EME2: variants seen among roughly 807,000 people sequenced by gnomAD.
EME2 encodes the protein essential meiotic structure-specific endonuclease subunit 2.
Under a neutral mutation model 41.9 loss-of-function variants are expected in EME2, and 58 were observed. That is an observed-to-expected ratio of 1.38 (90% CI 1.12 to 1.72). The LOEUF is 1.72. EME2 is among the 40% of genes most tolerant of loss of function. The probability of loss-of-function intolerance (pLI) is 0.00; values close to 1 mark genes in which losing one functional copy is unlikely to be tolerated. For synonymous variants in EME2, 334 were observed against 239.3 expected, an observed-to-expected ratio of 1.40 and a Z score of -3.65; for missense variants, 695 against 541.9, an observed-to-expected ratio of 1.28 and a Z score of -2.81.
chr16:1,777,110 C>T lies in EME2; in HGVS notation c.*872C>T, dbSNP rs749980964. The T allele has an allele frequency of 1.2e-6, 2 of 1,611,138 alleles. No homozygotes were observed. Among genetic ancestry groups the T allele is most frequent in the South Asian group, 2.2e-5 (2 of 90,984 alleles). On this transcript the variant is annotated 3_prime_UTR_variant, in exon 8 of 8. Transcript: ENST00000568449. ...CTGGGAAGTCAGTCAGGTCCGGCGGCAGCGCTTCCTCTGGCAGGGCCGAGG... is the reference window on the plus strand; with the variant it reads ...CTGGGAAGTCAGTCAGGTCCGGCGGTAGCGCTTCCTCTGGCAGGGCCGAGG...
chr16:1,773,720 C>T lies in EME2; in HGVS notation c.263C>T (p.Ala88Val), dbSNP rs776920899. 2 of 1,548,954 alleles carry T rather than the reference C, an allele frequency of 1.3e-6. No individual in the cohort carries two copies. The highest frequency in any genetic ancestry group is 1.7e-6 in the Non-Finnish European group (2 of 1,147,232). ...VCVDTAILED[A>V]GADVLMEALE... is the part of the protein sequence containing the mutation. ...CCGGTCCCAGCCATCCTGGAAGACG[C>T]CGGTGCCGACGTCCTGATGGAGGCC... Residue 88 changes from alanine to valine, a missense_variant, in exon 2 of 8, where the codon GCC becomes GTC. Transcript: ENST00000568449.
Position 1,778,191 on chromosome 16 carries a change from C to A in EME2, c.*1953C>A. ...TGATCTCCCAGAAGTGCTGGCCCTC[C>A]CCCAGCTCCTTGGTGCCCCGGATGG... On this transcript the variant is annotated 3_prime_UTR_variant, in exon 8 of 8. Transcript: ENST00000568449. The A allele has an allele frequency of 6.2e-7, 1 of 1,612,990 alleles. No homozygotes were observed.
At position 1,777,804 on chromosome 16, in the gene EME2, C is replaced by T. The variant is rs746457122; in HGVS notation, c.*1566C>T. 21 of 1,612,798 alleles carry T rather than the reference C, an allele frequency of 1.3e-5. No homozygotes were observed. Among genetic ancestry groups the T allele is most frequent in the African/African-American group, 5.3e-5 (4 of 74,910 alleles). ...GTGCCGTGCCAGGTGTCCAGGTGCA[C>T]GCCAATGATGGAGCCCTGGCCGAAC... On this transcript the variant is annotated 3_prime_UTR_variant, in exon 8 of 8. Coordinates refer to ENST00000568449, the MANE Select transcript of EME2 (RefSeq NM_001257370.2).
At chr16:1,774,393 G>T (rs376625018) in intron 3 of EME2, 41 bp downstream of exon 3, 54 of 1,562,308 alleles carry the variant, frequency 3.5e-5, no homozygotes, top group Non-Finnish European at 4.6e-5. Flanking sequence ...AATCAGGAGG[G>T]GTGGGTTCCC....
rs749796600 is a variant in EME2 at position 1,774,249 on chromosome 16, T to TGTCCCCAC, written c.385-10_385-3dup. The TGTCCCCAC allele has an allele frequency of 1.2e-6, 2 of 1,610,958 alleles. No individual in the cohort carries two copies. The highest frequency in any genetic ancestry group is 2.2e-5 in the South Asian group (2 of 91,068). ...TGAGACAGGCAGCAGCGCGTCCCCA[T>TGTCCCCAC]GTCCCCACAGCTGCCTCCTGAAGTG... On this transcript the variant is annotated splice_polypyrimidine_tract_variant and intron_variant, in intron 2 of 7. Coordinates refer to ENST00000568449, the MANE Select transcript of EME2 (RefSeq NM_001257370.2).
chr16:1,778,450 C>T lies in EME2; in HGVS notation c.*2212C>T, dbSNP rs199857506. 21 of 1,610,192 alleles carry T rather than the reference C, an allele frequency of 1.3e-5. No homozygotes were observed. The highest frequency in any genetic ancestry group is 3.4e-4 in the Middle Eastern group (2 of 5,954). The stretch of plus-strand genomic sequence containing the variant: ...CCACGCTCACACTCGTCTTCCTCTC[C>T]GCAGCGGCAGTCCCTGCCCCGGTGG... On this transcript the variant is annotated 3_prime_UTR_variant, in exon 8 of 8. Transcript: ENST00000568449.
rs1468909550 is a variant in EME2 at position 1,775,553 on chromosome 16, C to T, written c.664-16C>T. ...CCTTCCTCTGGCTCGTGCCCATCAG[C>T]TTGCCTCCTCCCCAGGCCCTGGTAC... On this transcript the variant is annotated splice_polypyrimidine_tract_variant and intron_variant, in intron 5 of 7. Coordinates refer to ENST00000568449, the MANE Select transcript of EME2 (RefSeq NM_001257370.2). 7 of 1,611,924 alleles carry T rather than the reference C, an allele frequency of 4.3e-6. No individual in the cohort carries two copies. Among genetic ancestry groups the T allele is most frequent in the East Asian group, 2.2e-5 (1 of 44,876 alleles).
rs1896667902 is a variant in EME2 at position 1,780,307 on chromosome 16, C to T, written c.*4069C>T. 1 of 152,458 alleles carries T rather than the reference C, an allele frequency of 6.6e-6. No individual in the cohort carries two copies. The highest frequency in any genetic ancestry group is 1.5e-5 in the Non-Finnish European group (1 of 68,208). The allele number at this position is 152,458 out of a possible 1,614,324, so 9.4% of individuals were successfully genotyped here. On this transcript the variant is annotated 3_prime_UTR_variant, in exon 8 of 8. Transcript: ENST00000568449. Reference sequence around the variant, plus strand: ...GCAGGGAGGCGCAGCCACACTCCTGCTCTGGTCCGAGGGAGATCTCAGGAA... The same window carrying T: ...GCAGGGAGGCGCAGCCACACTCCTGTTCTGGTCCGAGGGAGATCTCAGGAA...
intron 2 of EME2, 120 bp from the exon 3 acceptor site, chr16:1,774,140 G>C (rs1228871121): frequency 4.5e-6 from 4 of 893,922 alleles, no homozygotes; most frequent in Admixed American, 1.9e-5. Flanking sequence ...TGTAGAGCAG[G>C]CCTGTCAGGG....
In EME2 at chr16:1,778,353, G is replaced by A. The variant is rs374237453; in HGVS notation, c.*2115G>A. 341 of 1,610,988 alleles carry A rather than the reference G, an allele frequency of 2.1e-4. No homozygotes were observed. The highest frequency in any genetic ancestry group is 2.7e-4 in the Non-Finnish European group (314 of 1,179,722). On this transcript the variant is annotated 3_prime_UTR_variant, in exon 8 of 8. Coordinates refer to ENST00000568449, the MANE Select transcript of EME2 (RefSeq NM_001257370.2). ...GAGAGGCCCAGGCTGGGGCAGCCCT[G>A]AGAGCTCCATGGGGCTCTGCCCTGC...
Position 1,781,164 on chromosome 16 carries a change from G to T in EME2, c.*4926G>T. On this transcript the variant is annotated 3_prime_UTR_variant, in exon 8 of 8. Transcript: ENST00000568449. ...GGTCCTGTCACCCCTGAGGCTGTGT[G>T]TGTCCTTTGCCAAATTAAAGAGTCT... 6.5e-7 allele frequency: 1 copy of T among 1,531,108 alleles called. No individual in the cohort carries two copies. The highest frequency in any genetic ancestry group is 2.0e-5 in the Admixed American group (1 of 50,926). The allele number at this position is 1,531,108 out of a possible 1,614,324, so 94.8% of individuals were successfully genotyped here.
rs151082077 is a variant in EME2 at position 1,776,130 on chromosome 16, G to A, written c.1032G>A (p.Pro344=). 77 of 1,612,070 alleles carry A rather than the reference G, an allele frequency of 4.8e-5. No individual in the cohort carries two copies. The highest frequency in any genetic ancestry group is 6.7e-5 in the African/African-American group (5 of 75,066). The change falls in exon 8 of 8, where the codon CCG becomes CCA. Residue 344 remains proline, a synonymous_variant. Transcript: ENST00000568449. ...RMGLLADLPV[P]PSEGGRPRRV... ...GCCTCCTGGCCGACCTTCCTGTGCC[G>A]CCCAGTGAAGGCGGGCGTCCCCGCA...
Position 1,781,128 on chromosome 16 carries a change from G to A in EME2, c.*4890G>A, listed in dbSNP as rs1326093580. 34 of 1,477,076 alleles carry A rather than the reference G, an allele frequency of 2.3e-5. No homozygotes were observed. The highest frequency in any genetic ancestry group is 2.8e-5 in the Non-Finnish European group (31 of 1,104,510). 91.5% of individuals were successfully genotyped at this position (1,477,076 alleles called of 1,614,324 possible). ...AGGAGAAAGCACAGTGAAGAATGCA[G>A]TGTGTTCTGAGGTCCTGTCACCCCT... On this transcript the variant is annotated 3_prime_UTR_variant, in exon 8 of 8. Coordinates refer to ENST00000568449, the MANE Select transcript of EME2 (RefSeq NM_001257370.2).
chr16:1,773,137 A>T lies in EME2; in HGVS notation c.-91A>T, dbSNP rs2042650599. On this transcript the variant is annotated 5_prime_UTR_variant, in exon 1 of 8. Transcript: ENST00000568449. ...CGCGCCATGGCGGGTCCGCGTCCTC[A>T]GCGGTCCGGCCGGAAGTCACCGGAA... is the stretch of plus-strand genomic sequence containing the variant. 7.2e-7 allele frequency: 1 copy of T among 1,389,758 alleles called. No homozygotes were observed. Among genetic ancestry groups the T allele is most frequent in the Non-Finnish European group, 9.3e-7 (1 of 1,077,512 alleles). 86.1% of individuals were successfully genotyped at this position (1,389,758 alleles called of 1,614,324 possible). A position where few individuals can be genotyped will look rare whatever the true frequency, so the allele number is the denominator to read the frequency against.
rs2042760264 is a variant in EME2, at chr16:1,779,339, G to A, written c.*3101G>A. 6.5e-6 allele frequency: 1 copy of A among 152,758 alleles called. No individual in the cohort carries two copies. Among genetic ancestry groups the A allele is most frequent in the Non-Finnish European group, 1.5e-5 (1 of 68,342 alleles). The allele number at this position is 152,758 out of a possible 1,614,324, so 9.5% of individuals were successfully genotyped here. Reference sequence around the variant, plus strand: ...GGCCACCCAGGGGCTGAATGGACCAGGGGGTCAGCAGGGAGAGTGCTAAGT... The same window carrying A: ...GGCCACCCAGGGGCTGAATGGACCAAGGGGTCAGCAGGGAGAGTGCTAAGT... On this transcript the variant is annotated 3_prime_UTR_variant, in exon 8 of 8. Coordinates refer to ENST00000568449, the MANE Select transcript of EME2 (RefSeq NM_001257370.2).
rs766018762 is a variant in EME2, at chr16:1,777,836, G to A, written c.*1598G>A. On this transcript the variant is annotated 3_prime_UTR_variant, in exon 8 of 8. Transcript: ENST00000568449. ...GATGGAGCCCTGGCCGAACCGCGAT[G>A]AGAAGCTGGTCTTGTCGCCCTTGTG... 9 of 1,612,634 alleles carry A rather than the reference G, an allele frequency of 5.6e-6. No individual in the cohort carries two copies. The highest frequency in any genetic ancestry group is 2.7e-5 in the African/African-American group (2 of 74,906).
At position 1,773,097 on chromosome 16, in the gene EME2, G is replaced by T. The variant is rs1415385812; in HGVS notation, c.-131G>T. 3 of 1,403,516 alleles carry T rather than the reference G, an allele frequency of 2.1e-6. No homozygotes were observed. The highest frequency in any genetic ancestry group is 3.4e-5 in the Admixed American group (1 of 29,766). 86.9% of individuals were successfully genotyped at this position (1,403,516 alleles called of 1,614,324 possible). On this transcript the variant is annotated 5_prime_UTR_variant, in exon 1 of 8. Transcript: ENST00000568449. ...GCGGGCCAGCTCCGCGATCAGCCGCGGACGCACCTTCTTCCGCGCCATGGC... is the reference window on the plus strand; with the variant it reads ...GCGGGCCAGCTCCGCGATCAGCCGCTGACGCACCTTCTTCCGCGCCATGGC...
rs1567231129 is a variant in EME2, at chr16:1,780,502, A to G, written c.*4264A>G. On this transcript the variant is annotated 3_prime_UTR_variant, in exon 8 of 8. Transcript: ENST00000568449. The stretch of plus-strand genomic sequence containing the variant: ...GCATGTCAGATCACCTGGGCTGCAG[A>G]CAGACAAACACCTGAGCTGTTCTGA... The G allele has an allele frequency of 1.3e-5, 2 of 152,456 alleles. No homozygotes were observed. The highest frequency in any genetic ancestry group is 4.8e-5 in the African/African-American group (2 of 41,472). The allele number at this position is 152,456 out of a possible 1,614,324, so 9.4% of individuals were successfully genotyped here.
At chr16:1,775,715 G>A (rs779989740) in intron 6 of EME2, 31 bp downstream of exon 6, 5 of 1,612,694 alleles carry the variant, frequency 3.1e-6, no homozygotes, top group East Asian at 2.2e-5. Flanking sequence ...AGGGGGGCAG[G>A]ATCACCTCAA....
Sources: allele counts gnomAD v4.1 joint callset, GRCh38; gene constraint gnomAD v4.1.1; transcripts MANE v1.5; gene names NCBI Gene and HGNC (gene_info 2026-07-23, HGNC 2026-07-21).